The following ITPKB variants were observed in gnomAD, a reference collection of about 807,000 sequenced individuals.
The protein encoded by ITPKB is inositol-trisphosphate 3-kinase B.
In ITPKB, 13 loss-of-function variants were observed where a neutral mutation model predicts 69.4. The ratio of observed to expected loss-of-function variants is 0.19; its 90% CI spans 0.12 to 0.30. ITPKB has a LOEUF of 0.30. Among genes scored for constraint, ITPKB ranks in the 10% least tolerant of loss-of-function variants. ITPKB has a pLI of 1.00. For synonymous variants in ITPKB, 584 were observed against 513.7 expected (o/e 1.14, Z -1.85); for missense variants, 1,240 against 1,250.5 (o/e 0.99, Z 0.13).
intron 2 of ITPKB, among the ~76,000 whole-genome samples, chr1:226,678,276 T>C (rs976220913): frequency 6.6e-6 from 1 of 152,206 alleles, no homozygotes. Flanking sequence ...ATGTGGCCTA[T>C]GGAAAATAAA....
intron 2 of ITPKB, among the ~76,000 whole-genome samples, chr1:226,681,950 G>T (rs1656101956): frequency 6.6e-6 from 1 of 152,214 alleles, no homozygotes; most frequent in Non-Finnish European, 1.5e-5. Flanking sequence ...AGAGCTATGT[G>T]GAAGCAGTGT....
chr1:226,636,363 C>T (rs919642630), intron 7 of ITPKB, among the ~76,000 whole-genome samples: 1 of 152,242 alleles, frequency 6.6e-6, no homozygotes, highest in African/African-American at 2.4e-5. Flanking sequence ...CTGCTAGGGG[C>T]ACAGCAAAGC....
intron 2 of ITPKB, among the ~76,000 whole-genome samples, chr1:226,662,204 G>A (rs1198629618): frequency 6.6e-6 from 1 of 152,200 alleles, no homozygotes; most frequent in African/African-American, 2.4e-5. Context: ...CAGGGACACA[G>A]GCAGCTCTGC....
At chr1:226,673,507 G>C (rs1669662454) in intron 2 of ITPKB, among the ~76,000 whole-genome samples, 1 of 152,190 alleles carries the variant, frequency 6.6e-6, no homozygotes, top group South Asian at 2.1e-4. Context: ...CGGCAACTAG[G>C]TGGTGGTACC....
chr1:226,722,045 T>G (rs1657259468), intron 2 of ITPKB, among the ~76,000 whole-genome samples: 1 of 152,054 alleles, frequency 6.6e-6, no homozygotes, highest in South Asian at 2.1e-4. Flanking sequence ...ACTCCTGACC[T>G]CAGGTAATCC....
chr1:226,714,905 T>G (rs1657059502), intron 2 of ITPKB, among the ~76,000 whole-genome samples: 1 of 152,222 alleles, frequency 6.6e-6, no homozygotes, highest in Non-Finnish European at 1.5e-5. Context: ...TTTGGCAATG[T>G]CTGGAGACAT....
intron 2 of ITPKB, among the ~76,000 whole-genome samples, chr1:226,702,715 T>C (rs976642637): frequency 6.6e-6 from 1 of 152,190 alleles, no homozygotes; most frequent in Non-Finnish European, 1.5e-5. Flanking sequence ...CCTTCCCATT[T>C]TGTCAGTCTA....
In ITPKB at chr1:226,704,928, T is replaced by G. The variant is rs908777471; in HGVS notation, c.1932+30599A>C. On this transcript the variant is annotated intron_variant, in intron 2 of 7. Transcript: ENST00000429204. ...ACTTGAAAGAAGTACTGGCAAAAGC[T>G]TGTACTTTTTAAAAGAATCACAGCA... is the stretch of plus-strand genomic sequence containing the variant. Among the ~76,000 whole-genome samples the G allele has an allele frequency of 3.3e-5, 5 of 152,218 alleles. No homozygotes were observed. In the East Asian group the frequency reaches 9.6e-4, roughly 29 times the overall value.
chr1:226,720,278 C>T (rs1000701093), intron 2 of ITPKB, among the ~76,000 whole-genome samples: 4 of 152,226 alleles, frequency 2.6e-5, no homozygotes, highest in African/African-American at 9.6e-5. Flanking sequence ...CCCTCAGCCA[C>T]CTCCCAGGGC....
intron 2 of ITPKB, among the ~76,000 whole-genome samples, chr1:226,709,578 C>T (rs1182956363): frequency 2.0e-5 from 3 of 152,160 alleles, no homozygotes; most frequent in Non-Finnish European, 4.4e-5. Context: ...CACAGTGGCT[C>T]CTGACATCCA....
chr1:226,730,274 T>C (rs1229305451), intron 2 of ITPKB, among the ~76,000 whole-genome samples: 1 of 152,218 alleles, frequency 6.6e-6, no homozygotes, highest in African/African-American at 2.4e-5. Context: ...CATCGTCACT[T>C]GGTTTGGTAA....
intron 2 of ITPKB, among the ~76,000 whole-genome samples, chr1:226,662,979 C>T (rs965225160): frequency 2.6e-5 from 4 of 152,194 alleles, no homozygotes; most frequent in African/African-American, 9.7e-5. Context: ...GGTAGAGACC[C>T]TGTGTCTCGG....
At chr1:226,711,422 AGAGAGAGAGAGAGAGAGAGAGT>A (rs1329345851) in intron 2 of ITPKB, among the ~76,000 whole-genome samples, 3 of 120,316 alleles carry the variant, frequency 2.5e-5, no homozygotes, top group Non-Finnish European at 3.6e-5. Context: ...AGAGAGAGAG[AGAGAGAGAGAGAGAGAGAGAGT>A]GTGTGTGTGT....
chr1:226,711,270 C>T (rs1656942042), intron 2 of ITPKB, among the ~76,000 whole-genome samples: 1 of 152,178 alleles, frequency 6.6e-6, no homozygotes, highest in Admixed American at 6.5e-5. Flanking sequence ...TCCTCTACCT[C>T]CTTCCTACTC....
chr1:226,708,883 C>T (rs1432486619), intron 2 of ITPKB, among the ~76,000 whole-genome samples: 1 of 152,240 alleles, frequency 6.6e-6, no homozygotes, highest in Non-Finnish European at 1.5e-5. Flanking sequence ...CTGATGCAGG[C>T]CTGGCAGGCC....
intron 2 of ITPKB, among the ~76,000 whole-genome samples, chr1:226,701,686 T>G (rs1009079931): frequency 8.1e-5 from 12 of 148,480 alleles, no homozygotes; most frequent in African/African-American, 2.5e-4. Context: ...CACAGAGCCA[T>G]GGAGACGCAC....
rs747460444 is a variant in ITPKB at position 226,648,816 on chromosome 1, C to G, written c.1933-45G>C. 5 of 1,300,102 alleles carry G rather than the reference C, an allele frequency of 3.8e-6. No individual in the cohort carries two copies. The Admixed American group carries it at 8.4e-5, about 22-fold the overall frequency. 80.5% of individuals were successfully genotyped at this position (1,300,102 alleles called of 1,614,324 possible). A position where few individuals can be genotyped will look rare whatever the true frequency, so the allele number is the denominator to read the frequency against. ...AAGCTCTACATTAGAAAGACAACCA[C>G]TAATTTCTGGTTAGGACAAATTCAA... On this transcript the variant is annotated intron_variant, in intron 2 of 7. Coordinates refer to ENST00000429204, the MANE Select transcript of ITPKB (RefSeq NM_002221.4).
chr1:226,732,259 A>G (rs1354715412), intron 2 of ITPKB, among the ~76,000 whole-genome samples: 1 of 152,112 alleles, frequency 6.6e-6, no homozygotes, highest in Non-Finnish European at 1.5e-5. Context: ...TTTGTTTTGA[A>G]ACGGAGTCTC....
chr1:226,660,665 C>T (rs1389168467), intron 2 of ITPKB, among the ~76,000 whole-genome samples: 4 of 152,206 alleles, frequency 2.6e-5, no homozygotes, highest in Non-Finnish European at 4.4e-5. Context: ...CCAGGGGCCT[C>T]GCAGAGCTCA....
Sources: gnomAD v4.1 joint callset for allele counts (sites outside exome capture counted in the v4.1 genomes callset) on GRCh38, gnomAD v4.1.1 for gene constraint, MANE v1.5 for transcripts, NCBI Gene and HGNC (gene_info 2026-07-23, HGNC 2026-07-21) for gene names.